Variants in POLRMT observed in about 807,000 individuals in gnomAD.
POLRMT encodes the protein RNA polymerase mitochondrial.
In POLRMT, 114 loss-of-function variants were observed where a neutral mutation model predicts 132.2. The observed-to-expected ratio is 0.86, with a 90% CI of 0.74 to 1.01. The LOEUF (loss-of-function observed/expected upper bound fraction) is 1.01. POLRMT is among the 50% of genes least tolerant of loss of function. POLRMT has a pLI of 0.00. For synonymous variants in POLRMT, 1,020 were observed against 773.4 expected (o/e 1.32, Z -5.29); for missense variants, 2,003 against 1,729.1 (o/e 1.16, Z -2.81).
rs775223333 is a variant in POLRMT, at chr19:623,487, C to T, written c.1257G>A (p.Lys419=). 1.2e-6 allele frequency: 2 copies of T among 1,612,840 alleles called. No individual in the cohort carries two copies. Residue 419 remains lysine (K), a synonymous_variant, in exon 6 of 21, where the codon AAG becomes AAA. Transcript: ENST00000588649. ...ASRVCVVSVE[K]PTLPSKEVKH... ...TGACCTCCTTGCTTGGCAACGTGGG[C>T]TTCTCCACGGACACCACGCACACCC...
At chr19:627,122 G>C (rs1370234350) in intron 3 of POLRMT, among the ~76,000 whole-genome samples, 1 of 148,626 alleles carries the variant, frequency 6.7e-6, no homozygotes, top group Non-Finnish European at 1.5e-5. Flanking sequence ...CCACACACCA[G>C]AGACCAGAGA....
intron 18 of POLRMT, 50 bp from the exon 19 acceptor site, chr19:617,705 A>G: frequency 6.2e-7 from 1 of 1,611,548 alleles, no homozygotes; most frequent in Non-Finnish European, 8.5e-7. Context: ...GGCTCTGGGC[A>G]CCACCCCTAC....
Position 621,144 on chromosome 19 carries a change from T to C in POLRMT, c.2554A>G (p.Lys852Glu). ...KIHLVNLTGL[K>E]KREPLRKRLA... ...CGCTTCCGCAGCGGCTCCCGCTTCT[T>C]CAACCCCGTGAGATTGACCAGGTGG... The change falls in exon 10 of 21, where the codon AAG becomes GAG. Residue 852 changes from lysine (K) to glutamate (E), a missense_variant. Coordinates refer to ENST00000588649, the MANE Select transcript of POLRMT (RefSeq NM_005035.4). The C allele has an allele frequency of 6.2e-7, 1 of 1,610,994 alleles. No homozygotes were observed. The highest frequency in any genetic ancestry group is 8.5e-7 in the Non-Finnish European group (1 of 1,178,740).
Position 633,213 on chromosome 19 carries a change from G to A in POLRMT, c.88+212C>T, listed in dbSNP as rs530268529. 27 of 614,284 alleles carry A rather than the reference G, an allele frequency of 4.4e-5. No individual in the cohort carries two copies. The Admixed American group carries it at 8.5e-4, about 19-fold the overall frequency. The allele number at this position is 614,284 out of a possible 1,614,324, so 38.1% of individuals were successfully genotyped here. A position where few individuals can be genotyped will look rare whatever the true frequency, so the allele number is the denominator to read the frequency against. On this transcript the variant is annotated intron_variant, in intron 1 of 20. Coordinates refer to ENST00000588649, the MANE Select transcript of POLRMT (RefSeq NM_005035.4). ...TAAACACCACACCTGGGGTCAGGAG[G>A]CTGCATAAGAAACCACGAGTCAAAG...
chr19:629,074 G>A (rs914521418), intron 3 of POLRMT, among the ~76,000 whole-genome samples: 2 of 152,092 alleles, frequency 1.3e-5, no homozygotes, highest in Non-Finnish European at 2.9e-5. Flanking sequence ...GAACCACAAC[G>A]AAGATGGGTG....
At chr19:630,535 C>G (rs1985339396) in intron 2 of POLRMT, among the ~76,000 whole-genome samples, 1 of 152,182 alleles carries the variant, frequency 6.6e-6, no homozygotes, top group Non-Finnish European at 1.5e-5. Context: ...CTCCTCTGGG[C>G]TTGCCTCCAG....
intron 3 of POLRMT, among the ~76,000 whole-genome samples, chr19:625,784 TC>T (rs1238723889): frequency 1.1e-4 from 17 of 151,310 alleles, no homozygotes; most frequent in Admixed American, 1.1e-3. Flanking sequence ...TGGGCCGGGT[TC>T]TCTGCCTCCC....
At position 620,059 on chromosome 19, in the gene POLRMT, G is replaced by A. The variant is rs773845341; in HGVS notation, c.2785C>T (p.Gln929Ter). 5.8e-6 allele frequency: 9 copies of A among 1,545,788 alleles called. No individual in the cohort carries two copies. In the South Asian group the frequency reaches 7.1e-5, roughly 12 times the overall value. ...TCGCGGCCCAGAGCAGCATAATGCTGCAGGCCGTTGCAAGAGCCGTCCTGA... is the reference window on the plus strand; with the variant it reads ...TCGCGGCCCAGAGCAGCATAATGCTACAGGCCGTTGCAAGAGCCGTCCTGA... ...VHQDGSCNGL[Q>*]HYAALGRDSV... Residue 929 changes from glutamine (Q) to a stop codon, truncating the protein, a stop_gained, in exon 12 of 21, where the codon CAG becomes TAG. Coordinates refer to ENST00000588649, the MANE Select transcript of POLRMT (RefSeq NM_005035.4). LOFTEE classifies it high-confidence loss of function.
In POLRMT at chr19:633,476, G is replaced by A; in HGVS notation, c.37C>T (p.Leu13Phe). 6.4e-7 allele frequency: 1 copy of A among 1,559,168 alleles called. No individual in the cohort carries two copies. Among genetic ancestry groups the A allele is most frequent in the Non-Finnish European group, 8.7e-7 (1 of 1,153,938 alleles). Reference sequence around the variant, plus strand: ...CCGCAAGGCCGTAGGGCTCGTTTGAGCCCCGCCGCTCCGCGGCCCCAGCAA... The same window carrying A: ...CCGCAAGGCCGTAGGGCTCGTTTGAACCCCGCCGCTCCGCGGCCCCAGCAA... ...ALCWGRGAAG[L>F]KRALRPCGRP... Residue 13 changes from leucine (L) to phenylalanine (F), a missense_variant, in exon 1 of 21, where the codon CTC (leucine) becomes TTC (phenylalanine). Coordinates refer to ENST00000588649, the MANE Select transcript of POLRMT (RefSeq NM_005035.4).
intron 3 of POLRMT, among the ~76,000 whole-genome samples, chr19:626,913 A>G (rs746116): frequency 0.17 from 24,869 of 150,140 alleles, 2,146 homozygotes; most frequent in South Asian, 0.3. Flanking sequence ...ATATATATAT[A>G]TAAAATAACA....
In POLRMT at chr19:625,153, C is replaced by G; in HGVS notation, c.924G>C (p.Arg308Ser). ...SYAAALQCMG[R>S]QDQDAGTIER... Reference sequence around the variant, plus strand: ...CGATGGTCCCGGCGTCCTGGTCCTGCCTCCCCATGCACTGGAGGGCAGCCG... The same window carrying G: ...CGATGGTCCCGGCGTCCTGGTCCTGGCTCCCCATGCACTGGAGGGCAGCCG... Residue 308 changes from arginine to serine, a missense_variant, in exon 4 of 21, where the codon AGG becomes AGC. Transcript: ENST00000588649. The G allele has an allele frequency of 6.2e-7, 1 of 1,613,726 alleles. No individual in the cohort carries two copies. Among genetic ancestry groups the G allele is most frequent in the Non-Finnish European group, 8.5e-7 (1 of 1,179,892 alleles).
chr19:621,162 C>G lies in POLRMT; in HGVS notation c.2536G>C (p.Val846Leu), dbSNP rs1984548745. ...HGLDWLKIHL[V>L]NLTGLKKREP... The stretch of plus-strand genomic sequence containing the variant: ...CGCTTCTTCAACCCCGTGAGATTGA[C>G]CAGGTGGATCTTGAGCCAATCCAGG... The change falls in exon 10 of 21, where the codon GTC becomes CTC. Residue 846 changes from valine (V) to leucine (L), a missense_variant. Transcript: ENST00000588649. The G allele has an allele frequency of 6.2e-7, 1 of 1,610,952 alleles. No individual in the cohort carries two copies. Among genetic ancestry groups the G allele is most frequent in the Non-Finnish European group, 8.5e-7 (1 of 1,178,714 alleles).
intron 12 of POLRMT, 24 bp from the exon 13 acceptor site, chr19:619,789 C>G (rs749546904): frequency 6.4e-7 from 1 of 1,552,252 alleles, no homozygotes; most frequent in Non-Finnish European, 8.7e-7. Flanking sequence ...GGGCCGGGGG[C>G]GCGGGTCAGC....
At chr19:627,507 T>G (rs776408568) in intron 3 of POLRMT, among the ~76,000 whole-genome samples, 3 of 151,946 alleles carry the variant, frequency 2.0e-5, no homozygotes, top group Non-Finnish European at 2.9e-5. Context: ...TGGCCACACA[T>G]AGTCCTTAAA....
At chr19:624,230 G>A (rs1312875100) in intron 5 of POLRMT, among the ~76,000 whole-genome samples, 2 of 152,188 alleles carry the variant, frequency 1.3e-5, no homozygotes, top group Admixed American at 6.5e-5. Context: ...CTCGCAGTGT[G>A]TGGTCCCATT....
chr19:618,099 C>G (rs955235537), intron 17 of POLRMT: 11 of 578,292 alleles, frequency 1.9e-5, no homozygotes, highest in Middle Eastern at 9.1e-4. Context: ...GTGGGAGCCT[C>G]AGCTCCGAGG....
chr19:623,277 G>A (rs1392528910), intron 6 of POLRMT, among the ~76,000 whole-genome samples, 177 bp downstream of exon 6: 1 of 152,236 alleles, frequency 6.6e-6, no homozygotes, highest in African/African-American at 2.4e-5. Flanking sequence ...GGCCCTGCAT[G>A]ACCAGACCAG....
At position 620,430 on chromosome 19, in the gene POLRMT, C is replaced by T. The variant is rs796052172; in HGVS notation, c.2698G>A (p.Glu900Lys). 3 of 1,598,368 alleles carry T rather than the reference C, an allele frequency of 1.9e-6. No individual in the cohort carries two copies. Among genetic ancestry groups the T allele is most frequent in the East Asian group, 4.5e-5 (2 of 44,106 alleles). The change falls in exon 11 of 21, where the codon GAG becomes AAG. Residue 900 changes from glutamate (E) to lysine (K), a missense_variant. Coordinates refer to ENST00000588649, the MANE Select transcript of POLRMT (RefSeq NM_005035.4). ...GAGGCGCGCACAGCGTTCGCCACCT[C>T]CATACAGCAGGCCAGCGTCTGCCAG... ...EPWQTLACCM[E>K]VANAVRASDP...
At position 617,251 on chromosome 19, in the gene POLRMT, A is replaced by G. The variant is rs767369015; in HGVS notation, c.*23T>C. On this transcript the variant is annotated 3_prime_UTR_variant, in exon 21 of 21. Coordinates refer to ENST00000588649, the MANE Select transcript of POLRMT (RefSeq NM_005035.4). The stretch of plus-strand genomic sequence containing the variant: ...GGGGTGGCAAAAGAGCTTTATTTAC[A>G]CACTGACAAGGCTCACGGGGTGTCA... 1 of 1,612,190 alleles carries G rather than the reference A, an allele frequency of 6.2e-7. No individual in the cohort carries two copies. Among genetic ancestry groups the G allele is most frequent in the South Asian group, 1.1e-5 (1 of 91,044 alleles).
Sources: gnomAD v4.1 joint callset for allele counts (sites outside exome capture counted in the v4.1 genomes callset) on GRCh38, gnomAD v4.1.1 for gene constraint, MANE v1.5 for transcripts, NCBI Gene and HGNC (gene_info 2026-07-23, HGNC 2026-07-21) for gene names.